The following COL4A3 variants were observed in gnomAD, a reference collection of about 807,000 sequenced individuals.
The protein encoded by COL4A3 is collagen type IV alpha 3 chain.
COL4A3 carries 135 observed loss-of-function variants against 217.4 expected under a neutral mutation model. That is an observed-to-expected ratio of 0.62 (90% confidence interval 0.54 to 0.72). The LOEUF (loss-of-function observed/expected upper bound fraction) is 0.72, where lower values mean the gene tolerates loss of function less well. Ranked by LOEUF, COL4A3 falls within the 30% of genes least tolerant of loss-of-function variation. COL4A3 has a pLI of 0.00. For missense variants in COL4A3, 1,868 were observed against 2,119.9 expected (o/e 0.88, Z 2.33); for synonymous variants, 690 against 736.3 (o/e 0.94, Z 1.02).
At chr2:227,275,269 C>A (rs2071489879) in intron 26 of COL4A3, among the ~76,000 whole-genome samples, 1 of 152,104 alleles carries the variant, frequency 6.6e-6, no homozygotes, top group Non-Finnish European at 1.5e-5. Flanking sequence ...CAACCTATAC[C>A]TCCTGGATTC....
intron 25 of COL4A3, among the ~76,000 whole-genome samples, chr2:227,272,477 T>G (rs1334551794): frequency 6.6e-6 from 1 of 152,250 alleles, no homozygotes; most frequent in Non-Finnish European, 1.5e-5. Flanking sequence ...TTTTCAAGGT[T>G]ATAGCATATG....
rs775576225 is a variant in COL4A3, at chr2:227,270,856, T to G, written c.1662T>G (p.Gly554=). ...CTGAGGGGCAAGTGGGTGTCCCAGG[T>G]GACCCGGGGCTCAGAGGCCAACCTG... ...LQPEGQVGVP[G]DPGLRGQPGR... Residue 554 remains glycine, a synonymous_variant, in exon 25 of 52, where the codon GGT becomes GGG. Coordinates refer to ENST00000396578, the MANE Select transcript of COL4A3 (RefSeq NM_000091.5). 17 of 1,614,036 alleles carry G rather than the reference T, an allele frequency of 1.1e-5. No individual in the cohort carries two copies. In the South Asian group the frequency reaches 1.8e-4, roughly 17 times the overall value.
chr2:227,194,645 GT>G (rs2066400046), intron 1 of COL4A3, among the ~76,000 whole-genome samples: 3 of 152,064 alleles, frequency 2.0e-5, no homozygotes, highest in Non-Finnish European at 2.9e-5. Context: ...GATAAATGCA[GT>G]ATGCAATCAA....
At chr2:227,218,421 G>A (rs2067621358) in intron 1 of COL4A3, among the ~76,000 whole-genome samples, 1 of 152,078 alleles carries the variant, frequency 6.6e-6, no homozygotes, top group Non-Finnish European at 1.5e-5. Flanking sequence ...AGTGGAGATT[G>A]TGCCACTGCA....
chr2:227,229,718 G>C (rs2068286796), intron 1 of COL4A3, among the ~76,000 whole-genome samples: 1 of 152,136 alleles, frequency 6.6e-6, no homozygotes, highest in East Asian at 1.9e-4. Flanking sequence ...GTACATCCTA[G>C]TATCTCCCTT....
chr2:227,308,868 G>A (rs751672010), intron 48 of COL4A3, 31 bp from the exon 49 acceptor site: 2 of 1,607,986 alleles, frequency 1.2e-6, no homozygotes, highest in Admixed American at 1.7e-5. Context: ...TTAACTTACT[G>A]AAAGTGATAC....
chr2:227,239,920 G>A (rs1457937606), intron 2 of COL4A3, among the ~76,000 whole-genome samples: 1 of 152,076 alleles, frequency 6.6e-6, no homozygotes, highest in Non-Finnish European at 1.5e-5. Context: ...ACAAGACCAA[G>A]AGCCACCACT....
intron 1 of COL4A3, among the ~76,000 whole-genome samples, chr2:227,206,408 G>GA (rs1392808319): frequency 6.6e-6 from 1 of 152,056 alleles, no homozygotes; most frequent in Admixed American, 6.6e-5. Flanking sequence ...GAGGTTCTCG[G>GA]AAAAATTGAA....
At chr2:227,179,944 C>T (rs2396461) in intron 1 of COL4A3, among the ~76,000 whole-genome samples, 26,378 of 152,122 alleles carry the variant, frequency 0.17, 2,457 homozygotes, top group Admixed American at 0.26. Context: ...TAAGCAAATG[C>T]GTAAGTGCAA....
intron 2 of COL4A3, among the ~76,000 whole-genome samples, chr2:227,239,839 T>C (rs1404903259): frequency 2.0e-5 from 3 of 152,190 alleles, no homozygotes; most frequent in Non-Finnish European, 4.4e-5. Flanking sequence ...GCTTTCCCTT[T>C]CATTTTTTAT....
chr2:227,295,562 A>C (rs1380236390), intron 41 of COL4A3, among the ~76,000 whole-genome samples: 1 of 152,222 alleles, frequency 6.6e-6, no homozygotes, highest in Non-Finnish European at 1.5e-5. Context: ...AAAAGTAAAA[A>C]GGATTCTTCT....
intron 28 of COL4A3, among the ~76,000 whole-genome samples, chr2:227,279,042 G>C (rs2071768038): frequency 1.3e-5 from 2 of 151,400 alleles, no homozygotes; most frequent in South Asian, 2.1e-4. Flanking sequence ...AACCCCTGTT[G>C]AGAAAGGCTA....
chr2:227,263,939 C>A lies in COL4A3; in HGVS notation c.1310C>A (p.Pro437Gln). Residue 437 changes from proline to glutamine, a missense_variant, in exon 21 of 52, where the codon CCG (proline) becomes CAG (glutamine). This residue lies in a region of COL4A3 where 1,503 missense variants were observed against 1,786.1 expected (regional missense o/e 0.84). Coordinates refer to ENST00000396578, the MANE Select transcript of COL4A3 (RefSeq NM_000091.5). ...CCAGGATCACCGGGACCTCCAGGAC[C>A]GCCAGGTAAAGATGTGGAAGGGGAC... ...GLPGSPGPPG[P>Q]PGDIVFRKGP... 1 of 1,613,994 alleles carries A rather than the reference C, an allele frequency of 6.2e-7. No individual in the cohort carries two copies. Among genetic ancestry groups the A allele is most frequent in the South Asian group, 1.1e-5 (1 of 91,064 alleles).
chr2:227,202,921 A>G (rs867286308), intron 1 of COL4A3, among the ~76,000 whole-genome samples: 3 of 31,832 alleles, frequency 9.4e-5, no homozygotes, highest in Non-Finnish European at 1.5e-4. Context: ...ATATACATAT[A>G]TGTGTATATA....
intron 51 of COL4A3, among the ~76,000 whole-genome samples, chr2:227,311,253 C>T (rs999013083): frequency 3.3e-5 from 5 of 152,156 alleles, no homozygotes; most frequent in Admixed American, 2.6e-4. Flanking sequence ...AAGTTTTCAT[C>T]AAGGCCTATG....
In COL4A3 at chr2:227,312,411, T is replaced by A. The variant is rs1469603279; in HGVS notation, c.*541T>A. On this transcript the variant is annotated 3_prime_UTR_variant, in exon 52 of 52. Coordinates refer to ENST00000396578, the MANE Select transcript of COL4A3 (RefSeq NM_000091.5). ...GGCCTGATGGAACACAGAACTGAAC[T>A]GAGGTTCATGGATTTTCCAGGACTG... The A allele has an allele frequency of 1.3e-5, 2 of 156,130 alleles. No individual in the cohort carries two copies. Among genetic ancestry groups the A allele is most frequent in the Non-Finnish European group, 2.8e-5 (2 of 70,482 alleles). The allele number at this position is 156,130 out of a possible 1,614,324, so 9.7% of individuals were successfully genotyped here. A position where few individuals can be genotyped will look rare whatever the true frequency, so the allele number is the denominator to read the frequency against.
At chr2:227,283,726 C>T (rs2072132081) in intron 32 of COL4A3, 41 bp from the exon 33 acceptor site, 2 of 1,553,196 alleles carry the variant, frequency 1.3e-6, no homozygotes, top group Non-Finnish European at 1.8e-6. Context: ...TTTTCTCACT[C>T]TGTACAACAC....
Position 227,270,667 on chromosome 2 carries a change from A to G in COL4A3, c.1576-103A>G, listed in dbSNP as rs191860935. 1.7e-4 allele frequency: 198 copies of G among 1,175,308 alleles called. 1 individual carries two copies. Among genetic ancestry groups the G allele is most frequent in the Non-Finnish European group, 1.7e-4 (140 of 809,918 alleles). The allele number at this position is 1,175,308 out of a possible 1,614,324, so 72.8% of individuals were successfully genotyped here. On this transcript the variant is annotated intron_variant, in intron 24 of 51. Transcript: ENST00000396578. ...GTGGACCAAAGAGTGTGTTGAAAAA[A>G]TTCATGTTAAAATTGAAAAGTTCTT... is the stretch of plus-strand genomic sequence containing the variant.
chr2:227,272,641 T>A lies in COL4A3; in HGVS notation c.1759-308T>A, dbSNP rs78908239. ...CATGAATATCACCACTAAAGTCATT[T>A]GAACTATTGGTCAATTTGAACATAG... On this transcript the variant is annotated intron_variant, in intron 25 of 51. Coordinates refer to ENST00000396578, the MANE Select transcript of COL4A3 (RefSeq NM_000091.5). Among the ~76,000 whole-genome samples, 20,375 of 152,236 alleles carry A rather than the reference T, an allele frequency of 0.13. 1,350 individuals are homozygous for A. Among genetic ancestry groups the A allele is most frequent in the Non-Finnish European group, 0.15 (10,395 of 68,002 alleles).
Sources: allele counts gnomAD v4.1 joint callset (sites outside exome capture counted in the v4.1 genomes callset), GRCh38; gene constraint gnomAD v4.1.1; regional missense constraint gnomAD v4.1.1; transcripts MANE v1.5; gene names NCBI Gene and HGNC (gene_info 2026-07-23, HGNC 2026-07-21).